Variants in EXOC4 observed in about 807,000 individuals in gnomAD.
EXOC4 encodes exocyst complex component 4, also known as SEC8-like 1.
In EXOC4, 71 loss-of-function variants were observed where a neutral mutation model predicts 107.2. The observed-to-expected ratio is 0.66, with a 90% confidence interval of 0.55 to 0.81. The LOEUF (loss-of-function observed/expected upper bound fraction) is 0.81. Ranked by LOEUF, EXOC4 falls within the 30% of genes least tolerant of loss-of-function variation. The pLI is 0.00. For synonymous variants in EXOC4, 456 were observed against 441.2 expected (o/e 1.03, Z -0.42); for missense variants, 1,108 against 1,189.6 (o/e 0.93, Z 1.01).
At chr7:134,097,895 C>T in the EXOC4 span, among the ~76,000 whole-genome samples, 1 of 152,184 alleles carries the variant, frequency 6.6e-6, no homozygotes, top group South Asian at 2.1e-4. Flanking sequence ...CGACTTGGAT[C>T]AGTACTGCCT....
At chr7:133,817,103 C>T (rs1797390640) in intron 10 of EXOC4, among the ~76,000 whole-genome samples, 1 of 151,992 alleles carries the variant, frequency 6.6e-6, no homozygotes, top group African/African-American at 2.4e-5. Context: ...CTCCTTTTCC[C>T]CCCATTTTTA....
intron 17 of EXOC4, among the ~76,000 whole-genome samples, chr7:134,041,121 C>A (rs148241570): frequency 1.3e-5 from 2 of 152,254 alleles, no homozygotes; most frequent in African/African-American, 4.8e-5. Context: ...TTGAGTTGAT[C>A]CTAAATAAGG....
chr7:133,766,877 A>C (rs1463698600), intron 10 of EXOC4, among the ~76,000 whole-genome samples: 1 of 151,978 alleles, frequency 6.6e-6, no homozygotes, highest in Non-Finnish European at 1.5e-5. Context: ...TCGAGTTAAA[A>C]TTGAACTCCC....
At chr7:133,869,624 A>C (rs2116387243) in intron 11 of EXOC4, among the ~76,000 whole-genome samples, 1 of 152,364 alleles carries the variant, frequency 6.6e-6, no homozygotes, top group Admixed American at 6.5e-5. Context: ...GAAGTTCTTC[A>C]TTAGACTTAC....
chr7:133,915,982 C>A (rs909444084), intron 12 of EXOC4, among the ~76,000 whole-genome samples: 2 of 152,054 alleles, frequency 1.3e-5, no homozygotes, highest in Admixed American at 1.3e-4. Context: ...ATAAATAGCT[C>A]TCTTATTTAT....
rs1052623326 is a variant in EXOC4 at position 133,439,224 on chromosome 7, C to T, written c.1183-36104C>T. ...TTTTTGAGATGGAGTCTCGCTGTCT[C>T]GCCAGGCTGGAGTGCAGTGGGGCGA... On this transcript the variant is annotated intron_variant, in intron 7 of 17. Transcript: ENST00000253861. Among the ~76,000 whole-genome samples the T allele has an allele frequency of 7.1e-5, 9 of 127,648 alleles. No individual in the cohort carries two copies. The East Asian group carries it at 9.9e-4, about 14-fold the overall frequency. The allele number at this position is 127,648 out of a possible 152,430, so 83.7% of individuals were successfully genotyped here. A position where few individuals can be genotyped will look rare whatever the true frequency, so the allele number is the denominator to read the frequency against.
chr7:133,740,019 T>C (rs1016111313), intron 10 of EXOC4, among the ~76,000 whole-genome samples: 1 of 152,118 alleles, frequency 6.6e-6, no homozygotes, highest in Non-Finnish European at 1.5e-5. Flanking sequence ...GAAATGAAGA[T>C]ATTAGAGGAA....
chr7:133,860,407 C>G (rs990029930), intron 11 of EXOC4, among the ~76,000 whole-genome samples: 2 of 152,184 alleles, frequency 1.3e-5, no homozygotes, highest in African/African-American at 4.8e-5. Context: ...CAAGAAAGTA[C>G]AAGTGCAAGC....
chr7:133,735,219 CAAAAAAAAAAAAAAAA>C (rs56769096), intron 10 of EXOC4, among the ~76,000 whole-genome samples: 29 of 33,506 alleles, frequency 8.7e-4, no homozygotes, highest in Admixed American at 3.6e-3. Flanking sequence ...GACTCTGTCT[CAAAAAAAAAAAAAAAA>C]AAAAAAAAAA....
chr7:133,854,243 C>A (rs1798300151), intron 11 of EXOC4, among the ~76,000 whole-genome samples: 1 of 152,098 alleles, frequency 6.6e-6, no homozygotes, highest in Admixed American at 6.5e-5. Flanking sequence ...CAGGGTGAGG[C>A]TGGGGTAGAG....
intron 16 of EXOC4, 124 bp from the exon 17 acceptor site, chr7:134,007,552 G>T: frequency 1.2e-6 from 1 of 843,446 alleles, no homozygotes; most frequent in Non-Finnish European, 1.7e-6. Context: ...ATCAGAGGTA[G>T]ATTTTCTTTG....
At chr7:133,601,333 C>CTGTA (rs552570010) in intron 9 of EXOC4, among the ~76,000 whole-genome samples, 200 of 150,920 alleles carry the variant, frequency 1.3e-3, no homozygotes, top group African/African-American at 4.5e-3. Flanking sequence ...CTTTGGAGGC[C>CTGTA]TGTATGTATG....
chr7:133,271,075 C>T (rs767064285), intron 1 of EXOC4, among the ~76,000 whole-genome samples: 16 of 151,938 alleles, frequency 1.1e-4, no homozygotes, highest in African/African-American at 3.6e-4. Context: ...CGGGCCATTG[C>T]GCCTGGCTAA....
chr7:133,551,442 A>G lies in EXOC4; in HGVS notation c.1417+71304A>G, dbSNP rs113591931. Reference sequence around the variant, plus strand: ...CTTGTCTAGAGTACAGAGAAATAATATTTTGATTATTTTAGTTGTTTCAAA... The same window carrying G: ...CTTGTCTAGAGTACAGAGAAATAATGTTTTGATTATTTTAGTTGTTTCAAA... On this transcript the variant is annotated intron_variant, in intron 9 of 17. Coordinates refer to ENST00000253861, the MANE Select transcript of EXOC4 (RefSeq NM_021807.4). Among the ~76,000 whole-genome samples the G allele has an allele frequency of 2.9e-3, 449 of 152,228 alleles. 2 individuals are homozygous for G. Among genetic ancestry groups the G allele is most frequent in the African/African-American group, 0.01 (428 of 41,542 alleles).
chr7:133,955,153 C>T (rs895853067), intron 14 of EXOC4, among the ~76,000 whole-genome samples: 22 of 152,194 alleles, frequency 1.4e-4, no homozygotes, highest in Admixed American at 6.5e-5. Context: ...CCCTGCCATT[C>T]GGCAGGTCCT....
At chr7:133,636,542 T>C (rs77065877) in intron 10 of EXOC4, among the ~76,000 whole-genome samples, 1 of 152,232 alleles carries the variant, frequency 6.6e-6, no homozygotes, top group Non-Finnish European at 1.5e-5. Flanking sequence ...TGAAGTAATA[T>C]GTTTCTTACA....
At chr7:133,518,250 C>T (rs1799916689) in intron 9 of EXOC4, among the ~76,000 whole-genome samples, 1 of 151,478 alleles carries the variant, frequency 6.6e-6, no homozygotes, top group East Asian at 1.9e-4. Flanking sequence ...AGTCCAAAAG[C>T]GGTGTGCACG....
chr7:133,278,349 A>G (rs1285309807), intron 2 of EXOC4, among the ~76,000 whole-genome samples: 4 of 152,214 alleles, frequency 2.6e-5, no homozygotes, highest in Admixed American at 6.5e-5. Flanking sequence ...ACTACAGACT[A>G]TAAGTGAATA....
chr7:133,541,679 T>C (rs1464893300), intron 9 of EXOC4, among the ~76,000 whole-genome samples: 1 of 152,048 alleles, frequency 6.6e-6, no homozygotes, highest in Non-Finnish European at 1.5e-5. Flanking sequence ...TTTTGTATTT[T>C]TTTTTTGTAG....
Sources: gnomAD v4.1 joint callset for allele counts (sites outside exome capture counted in the v4.1 genomes callset) on GRCh38, gnomAD v4.1.1 for gene constraint, MANE v1.5 for transcripts, NCBI Gene and HGNC (gene_info 2026-07-23, HGNC 2026-07-21) for gene names.